Variants in RAB9A observed in about 807,000 individuals in gnomAD.
RAB9A encodes ras-related protein Rab-9A.
In RAB9A, 1 loss-of-function variant was observed where a neutral mutation model predicts 10.3. The ratio of observed to expected loss-of-function variants is 0.10; its 90% CI spans 0.03 to 0.46. The LOEUF is 0.46. Ranked by LOEUF, RAB9A falls within the 20% of genes least tolerant of loss-of-function variation. The probability of loss-of-function intolerance (pLI) is 0.96; values close to 1 mark genes in which losing one functional copy is unlikely to be tolerated. For missense variants in RAB9A, 92 were observed against 150.3 expected (o/e 0.61, Z 2.03); for synonymous variants, 39 against 55.2 (o/e 0.71, Z 1.30).
chrX:13,699,909 A>G (rs1052640240), intron 1 of RAB9A, among the ~76,000 whole-genome samples: 1 of 112,534 alleles, frequency 8.9e-6, no homozygotes, highest in Non-Finnish European at 1.9e-5. Flanking sequence ...TCCAGGACCA[A>G]TAAAAAAAGT....
At chrX:13,691,948 T>C (rs887522754) in intron 1 of RAB9A, among the ~76,000 whole-genome samples, 1 of 109,051 alleles carries the variant, frequency 9.2e-6, no homozygotes, top group African/African-American at 3.4e-5. Context: ...ACAGAATTTA[T>C]TGCCTGGGCT....
intron 1 of RAB9A, among the ~76,000 whole-genome samples, chrX:13,700,715 C>G (rs751980622): frequency 4.1e-4 from 46 of 111,189 alleles, no homozygotes; most frequent in Non-Finnish European, 7.4e-4. Flanking sequence ...AAATCTAATT[C>G]TAGGGTCATA....
chrX:13,698,293 T>C (rs771891173), intron 1 of RAB9A, among the ~76,000 whole-genome samples: 10 of 108,217 alleles, frequency 9.2e-5, no homozygotes, highest in African/African-American at 3.4e-4. Flanking sequence ...GTGCCTTGTT[T>C]TAAGAAAAAT....
At chrX:13,701,212 C>T (rs1028178343) in intron 1 of RAB9A, among the ~76,000 whole-genome samples, 3 of 109,686 alleles carry the variant, frequency 2.7e-5, no homozygotes, top group Non-Finnish European at 5.7e-5. Flanking sequence ...GTCCCTCCTC[C>T]TTTACCTGCC....
intron 1 of RAB9A, among the ~76,000 whole-genome samples, chrX:13,703,225 G>C (rs1157344153): frequency 4.4e-5 from 5 of 112,470 alleles, no homozygotes; most frequent in Non-Finnish European, 9.4e-5. Context: ...TAGCCTAGTG[G>C]GTTAAGTGCC....
intron 1 of RAB9A, among the ~76,000 whole-genome samples, chrX:13,696,796 AGT>A (rs752041581): frequency 1.8e-5 from 2 of 111,955 alleles, no homozygotes; most frequent in South Asian, 7.4e-4. Context: ...AGAAATGGGT[AGT>A]GATGGGCAGA....
chrX:13,710,243 G>T lies in RAB9A; in HGVS notation c.*891G>T, dbSNP rs1480551405. The T allele has an allele frequency of 8.1e-6, 1 of 124,028 alleles. No individual in the cohort carries two copies. The highest frequency in any genetic ancestry group is 1.9e-5 in the Non-Finnish European group (1 of 53,408). The allele number at this position is 124,028 out of a possible 1,213,427, so 10.2% of individuals were successfully genotyped here. ...GTTACTTTCTTGACCCTTGGGGAAA[G>T]TTTCTTAATTGAAGTTAAAACATTC... On this transcript the variant is annotated 3_prime_UTR_variant, in exon 3 of 3. Transcript: ENST00000464506.
chrX:13,698,342 C>T (rs2046158189), intron 1 of RAB9A, among the ~76,000 whole-genome samples: 1 of 109,499 alleles, frequency 9.1e-6, no homozygotes, highest in Non-Finnish European at 1.9e-5. Context: ...GCTGATTCAG[C>T]TTCAAAAAAA....
chrX:13,691,841 C>G (rs1426058707), intron 1 of RAB9A, among the ~76,000 whole-genome samples: 1 of 110,094 alleles, frequency 9.1e-6, no homozygotes, highest in African/African-American at 3.3e-5. Flanking sequence ...GGCACTGATA[C>G]AAAGGTGCTG....
chrX:13,698,404 G>A (rs1258655722), intron 1 of RAB9A, among the ~76,000 whole-genome samples: 10 of 110,149 alleles, frequency 9.1e-5, no homozygotes, highest in Non-Finnish European at 1.9e-4. Context: ...CTGACATAGC[G>A]ATAGTATGGT....
At chrX:13,705,982 G>A (rs544105775) in intron 2 of RAB9A, among the ~76,000 whole-genome samples, 4 of 111,909 alleles carry the variant, frequency 3.6e-5, no homozygotes, top group African/African-American at 1.3e-4. Flanking sequence ...GGTGGCTAGA[G>A]TGAGGCTGGC....
intron 2 of RAB9A, among the ~76,000 whole-genome samples, chrX:13,704,835 G>C (rs761727465): frequency 9.0e-6 from 1 of 111,117 alleles, no homozygotes; most frequent in African/African-American, 3.3e-5. Flanking sequence ...GGCCAGGCTG[G>C]TCTCGAACTC....
At chrX:13,690,806 C>T (rs754250647) in intron 1 of RAB9A, among the ~76,000 whole-genome samples, 197 of 111,704 alleles carry the variant, frequency 1.8e-3, no homozygotes, top group Non-Finnish European at 2.2e-3. Flanking sequence ...CATAGCATTT[C>T]TTCAGTAAGA....
In RAB9A at chrX:13,699,679, C is replaced by T. The variant is rs142206889; in HGVS notation, c.-115-4135C>T. 6.6e-3 allele frequency among the ~76,000 whole-genome samples: 743 copies of T among 112,167 alleles called. 9 individuals are homozygous for T. The highest frequency in any genetic ancestry group is 0.023 in the African/African-American group (700 of 30,862). Reference sequence around the variant, plus strand: ...TGATGACTAAGATTGTCATAGCTGTCGAAGTAGGGAGGGGCCTCCCAGGCC... The same window carrying T: ...TGATGACTAAGATTGTCATAGCTGTTGAAGTAGGGAGGGGCCTCCCAGGCC... On this transcript the variant is annotated intron_variant, in intron 1 of 2. Coordinates refer to ENST00000464506, the MANE Select transcript of RAB9A (RefSeq NM_004251.5).
chrX:13,696,375 T>A (rs1382603556), intron 1 of RAB9A, among the ~76,000 whole-genome samples: 2 of 110,503 alleles, frequency 1.8e-5, no homozygotes, highest in Non-Finnish European at 3.8e-5. Flanking sequence ...TGAGCTATGA[T>A]CATGCCACTG....
At chrX:13,691,608 C>T (rs2046123779) in intron 1 of RAB9A, among the ~76,000 whole-genome samples, 1 of 88,391 alleles carries the variant, frequency 1.1e-5, no homozygotes, top group Non-Finnish European at 2.1e-5. Flanking sequence ...TGCAGTGAGC[C>T]GAGATCACGC....
chrX:13,701,871 C>G, intron 1 of RAB9A, among the ~76,000 whole-genome samples: 1 of 111,339 alleles, frequency 9.0e-6, no homozygotes, highest in Non-Finnish European at 1.9e-5. Flanking sequence ...CATTCGTAAG[C>G]CCAGCTGACA....
chrX:13,710,384 T>C lies in RAB9A; in HGVS notation c.*1032T>C, dbSNP rs1405667302. 8.1e-6 allele frequency: 1 copy of C among 124,072 alleles called. No homozygotes were observed. Among genetic ancestry groups the C allele is most frequent in the Non-Finnish European group, 1.9e-5 (1 of 53,411 alleles). 10.2% of individuals were successfully genotyped at this position (124,072 alleles called of 1,213,427 possible). On this transcript the variant is annotated 3_prime_UTR_variant, in exon 3 of 3. Coordinates refer to ENST00000464506, the MANE Select transcript of RAB9A (RefSeq NM_004251.5). ...TTTATTCGGCAATGTATTTACTTAG[T>C]GTCTTCTCTATTACTGAACATTTAG...
chrX:13,695,683 A>G (rs2046144505), intron 1 of RAB9A, among the ~76,000 whole-genome samples: 1 of 112,192 alleles, frequency 8.9e-6, no homozygotes, highest in Admixed American at 9.5e-5. Flanking sequence ...TTGAATTTGA[A>G]CTACCATCAG....
Sources: gnomAD v4.1 joint callset for allele counts (sites outside exome capture counted in the v4.1 genomes callset) on GRCh38, gnomAD v4.1.1 for gene constraint, MANE v1.5 for transcripts, NCBI Gene and HGNC (gene_info 2026-07-23, HGNC 2026-07-21) for gene names.